The following ERMP1 variants were observed in gnomAD, a reference collection of about 807,000 sequenced individuals.
ERMP1 encodes Felix-ina.
Under a neutral mutation model 92.0 loss-of-function variants are expected in ERMP1, and 86 were observed. The ratio of observed to expected loss-of-function variants is 0.93; its 90% CI spans 0.79 to 1.12. The LOEUF (loss-of-function observed/expected upper bound fraction) is 1.12, where lower values mean the gene tolerates loss of function less well. Ranked by LOEUF, ERMP1 falls within the 50% of genes most tolerant of loss-of-function variation. ERMP1 has a pLI of 0.00. For missense variants in ERMP1, 1,342 were observed against 1,116.3 expected, an observed-to-expected ratio of 1.20 and a Z score of -2.88; for synonymous variants, 530 against 412.8, an observed-to-expected ratio of 1.28 and a Z score of -3.44.
At chr9:5,847,754 GCGT>G (rs1830256255) in intron 6 of ERMP1, among the ~76,000 whole-genome samples, 1 of 151,742 alleles carries the variant, frequency 6.6e-6, no homozygotes, top group South Asian at 2.1e-4. Context: ...AATTAGCCGG[GCGT>G]GGTGGCAGGC....
At chr9:5,859,940 G>A (rs895449572) in intron 5 of ERMP1, among the ~76,000 whole-genome samples, 4 of 152,120 alleles carry the variant, frequency 2.6e-5, no homozygotes, top group Non-Finnish European at 5.9e-5. Flanking sequence ...ACAGGTCTTA[G>A]TACCAGAATT....
chr9:5,803,095 T>C (rs964186147), intron 10 of ERMP1, among the ~76,000 whole-genome samples: 1 of 152,100 alleles, frequency 6.6e-6, no homozygotes, highest in Non-Finnish European at 1.5e-5. Flanking sequence ...TTTAATTGCT[T>C]TCTAGCAGAT....
At chr9:5,848,269 C>T (rs571927304) in intron 6 of ERMP1, among the ~76,000 whole-genome samples, 5 of 152,178 alleles carry the variant, frequency 3.3e-5, no homozygotes, top group Admixed American at 2.0e-4. Context: ...TGAAGGAAAG[C>T]GGGAAGTAGG....
chr9:5,827,972 C>A (rs1015182137), intron 2 of ERMP1, among the ~76,000 whole-genome samples: 1 of 151,594 alleles, frequency 6.6e-6, no homozygotes, highest in African/African-American at 2.4e-5. Context: ...AGTGAGACTC[C>A]GCCTCATAAA....
intron 4 of ERMP1, among the ~76,000 whole-genome samples, chr9:5,815,122 A>G (rs906428462): frequency 6.6e-6 from 1 of 152,206 alleles, no homozygotes; most frequent in African/African-American, 2.4e-5. Context: ...TAAAGACTTA[A>G]TGGCCAAGAA....
At chr9:5,834,955 C>T (rs1402345719), upstream of ERMP1, among the ~76,000 whole-genome samples, 38 of 30,912 alleles carry the variant, frequency 1.2e-3, no homozygotes, top group South Asian at 6.6e-3. Flanking sequence ...GATAGATAGA[C>T]AGATGATAGA....
chr9:5,840,161 G>A (rs1430968584), intron 6 of ERMP1, among the ~76,000 whole-genome samples: 1 of 152,166 alleles, frequency 6.6e-6, no homozygotes, highest in Non-Finnish European at 1.5e-5. Context: ...AGAATCACTC[G>A]AACCTGGGAA....
At chr9:5,840,657 T>C (rs1830152370) in intron 6 of ERMP1, among the ~76,000 whole-genome samples, 1 of 152,248 alleles carries the variant, frequency 6.6e-6, no homozygotes, top group African/African-American at 2.4e-5. Context: ...CTCCAGTATG[T>C]TCTTCTGTAA....
rs1830025005 is a variant in ERMP1 at position 5,833,058 on chromosome 9, C to G, written c.-31G>C. 7.0e-7 allele frequency: 1 copy of G among 1,429,804 alleles called. No homozygotes were observed. Among genetic ancestry groups the G allele is most frequent in the Non-Finnish European group, 9.1e-7 (1 of 1,101,880 alleles). 88.6% of individuals were successfully genotyped at this position (1,429,804 alleles called of 1,614,324 possible). On this transcript the variant is annotated 5_prime_UTR_variant, in exon 1 of 15. Transcript: ENST00000339450. ...CGAGCCTCAGCTGCCAGCCCAACCGCCCCAACCCGCGACAGCCCCGGCCGC... is the reference window on the plus strand; with the variant it reads ...CGAGCCTCAGCTGCCAGCCCAACCGGCCCAACCCGCGACAGCCCCGGCCGC...
rs150511190 is a variant in ERMP1, at chr9:5,785,545, T to C, written c.*1599A>G. 9.4e-3 allele frequency: 1,435 copies of C among 152,510 alleles called. 12 individuals are homozygous for C. Among genetic ancestry groups the C allele is most frequent in the Non-Finnish European group, 0.014 (961 of 68,008 alleles). The allele number at this position is 152,510 out of a possible 1,614,324, so 9.4% of individuals were successfully genotyped here. ...AGCCTAACATGTTATTCAGCTCTGG[T>C]TGCAGCCCCATCTACATGGGCCCAG... is the stretch of plus-strand genomic sequence containing the variant. On this transcript the variant is annotated 3_prime_UTR_variant, in exon 15 of 15. Transcript: ENST00000339450.
At chr9:5,837,134 G>C (rs1019866243), upstream of ERMP1, among the ~76,000 whole-genome samples, 4 of 152,128 alleles carry the variant, frequency 2.6e-5, no homozygotes, top group Non-Finnish European at 4.4e-5. Context: ...TGAAACAAAT[G>C]GGGTTGAGAC....
intron 4 of ERMP1, among the ~76,000 whole-genome samples, chr9:5,823,065 A>G (rs1249589945): frequency 2.6e-5 from 4 of 152,200 alleles, no homozygotes; most frequent in Admixed American, 2.0e-4. Context: ...CAGGAGGACC[A>G]CTTGAGCCCA....
chr9:5,811,004 T>G, intron 7 of ERMP1, 107 bp downstream of exon 7: 1 of 681,022 alleles, frequency 1.5e-6, no homozygotes, highest in Admixed American at 2.9e-5. Flanking sequence ...GCAAACATTG[T>G]CTTAAGATTT....
rs1486701837 is a variant in ERMP1, at chr9:5,784,684, GC to G, written c.*2459del. Reference sequence around the variant, plus strand: ...ACTCCTTCTACAGCTTCCTGAGACAGCAGGCTGGCTTGTGGCCCCCTGGGTG... The same window carrying G: ...ACTCCTTCTACAGCTTCCTGAGACAGAGGCTGGCTTGTGGCCCCCTGGGTG... On this transcript the variant is annotated 3_prime_UTR_variant, in exon 15 of 15. Transcript: ENST00000339450. 1 of 151,908 alleles carries G rather than the reference GC, an allele frequency of 6.6e-6. No individual in the cohort carries two copies. Among genetic ancestry groups the G allele is most frequent in the East Asian group, 1.9e-4 (1 of 5,200 alleles). The allele number at this position is 151,908 out of a possible 1,614,324, so 9.4% of individuals were successfully genotyped here.
chr9:5,798,833 C>T lies in ERMP1; in HGVS notation c.2243G>A (p.Trp748Ter). 3.7e-6 allele frequency: 6 copies of T among 1,613,466 alleles called. No homozygotes were observed. The highest frequency in any genetic ancestry group is 5.1e-6 in the Non-Finnish European group (6 of 1,179,692). The change falls in exon 12 of 15, where the codon TGG (tryptophan) becomes TAG (stop). Residue 748 changes from tryptophan to a stop codon, truncating the protein, a stop_gained. Transcript: ENST00000339450. LOFTEE classifies it high-confidence loss of function. ...EENAPLCGFP[W>*]YLPVHFLIRK... Reference sequence around the variant, plus strand: ...GATCAGAAAGTGCACTGGAAGATACCAAGGAAAACCACAAAGAGGTGCATT... The same window carrying T: ...GATCAGAAAGTGCACTGGAAGATACTAAGGAAAACCACAAAGAGGTGCATT...
intron 6 of ERMP1, among the ~76,000 whole-genome samples, chr9:5,850,405 C>CAAAAAAAAAAAAAAAAAAAAAAAAA (rs59464514): frequency 4.9e-5 from 2 of 40,592 alleles, no homozygotes; most frequent in Non-Finnish European, 8.0e-5. Flanking sequence ...AACTCCGTCT[C>CAAAAAAAAAAAAAAAAAAAAAAAAA]AAAAAAAAAA....
At chr9:5,864,342 T>A (rs929706865) in intron 5 of ERMP1, among the ~76,000 whole-genome samples, 4 of 152,104 alleles carry the variant, frequency 2.6e-5, no homozygotes, top group Non-Finnish European at 5.9e-5. Flanking sequence ...GAAACATCAT[T>A]AAGCAGGCAA....
chr9:5,812,979 C>T lies in ERMP1; in HGVS notation c.931G>A (p.Ala311Thr). 3.7e-6 allele frequency: 6 copies of T among 1,614,014 alleles called. No individual in the cohort carries two copies. Among genetic ancestry groups the T allele is most frequent in the Non-Finnish European group, 5.1e-6 (6 of 1,179,932 alleles). ...AAAACCTCCTGAGCCACCACAGAAG[C>T]AAAAGGGTGTTTAGCTGCTGAAACA... is the stretch of plus-strand genomic sequence containing the variant. ...AYVSAAKHPFASVVAQEVFQS... is the reference protein window; with the variant it reads ...AYVSAAKHPFTSVVAQEVFQS... Residue 311 changes from alanine (A) to threonine (T), a missense_variant, in exon 5 of 15, where the codon GCT becomes ACT. Physicochemically the swap from Ala to Thr is moderately conservative, Grantham distance 58. Coordinates refer to ENST00000339450, the MANE Select transcript of ERMP1 (RefSeq NM_024896.3).
rs190808043 is a variant in ERMP1 at position 5,785,271 on chromosome 9, T to C, written c.*1873A>G. 2 of 152,334 alleles carry C rather than the reference T, an allele frequency of 1.3e-5. No individual in the cohort carries two copies. The highest frequency in any genetic ancestry group is 6.5e-5 in the Admixed American group (1 of 15,298). The allele number at this position is 152,334 out of a possible 1,614,324, so 9.4% of individuals were successfully genotyped here. A position where few individuals can be genotyped will look rare whatever the true frequency, so the allele number is the denominator to read the frequency against. ...GCATCCTTCCCATAGAGGGGGGGAATTCACAGGGAACACTAATTATATCAG... is the reference window on the plus strand; with the variant it reads ...GCATCCTTCCCATAGAGGGGGGGAACTCACAGGGAACACTAATTATATCAG... On this transcript the variant is annotated 3_prime_UTR_variant, in exon 15 of 15. Coordinates refer to ENST00000339450, the MANE Select transcript of ERMP1 (RefSeq NM_024896.3).
Sources: gnomAD v4.1 joint callset for allele counts (sites outside exome capture counted in the v4.1 genomes callset) on GRCh38, gnomAD v4.1.1 for gene constraint, MANE v1.5 for transcripts, NCBI Gene and HGNC (gene_info 2026-07-23, HGNC 2026-07-21) for gene names.